Variants in NOTUM observed in about 807,000 individuals in gnomAD.
NOTUM encodes the protein notum, palmitoleoyl-protein carboxylesterase, also known as palmitoleoyl-protein carboxylesterase NOTUM.
Under a neutral mutation model 65.5 loss-of-function variants are expected in NOTUM, and 36 were observed. The ratio of observed to expected loss-of-function variants is 0.55; its 90% CI spans 0.42 to 0.73. The LOEUF is 0.73. NOTUM is among the 30% of genes least tolerant of loss of function. The probability of loss-of-function intolerance (pLI) is 0.00; values close to 1 mark genes in which losing one functional copy is unlikely to be tolerated. For synonymous variants in NOTUM, 356 were observed against 297.9 expected, an observed-to-expected ratio of 1.20 and a Z score of -2.01; for missense variants, 659 against 694.2, an observed-to-expected ratio of 0.95 and a Z score of 0.57.
intron 10 of NOTUM, 43 bp from the exon 11 acceptor site, chr17:81,953,310 G>T (rs774249657): frequency 3.0e-6 from 4 of 1,344,886 alleles, no homozygotes; most frequent in Non-Finnish European, 4.2e-6. Flanking sequence ...GTGCGGAGTG[G>T]CATCAACACT....
rs143397971 is a variant in NOTUM, at chr17:81,953,786, C to T, written c.1184+470G>A. Among the ~76,000 whole-genome samples the T allele has an allele frequency of 7.1e-3, 868 of 122,452 alleles. 6 individuals carry two copies. The highest frequency in any genetic ancestry group is 0.018 in the African/African-American group (584 of 32,720). The allele number at this position is 122,452 out of a possible 152,430, so 80.3% of individuals were successfully genotyped here. ...TCAGCCTGAGTCTTTTTTTTTTTTT[C>T]TTTTTTTTTTGAGATGGAGTTTCAC... On this transcript the variant is annotated intron_variant, in intron 10 of 10. Transcript: ENST00000409678.
chr17:81,952,933 G>C lies in NOTUM; in HGVS notation c.*28C>G, dbSNP rs1252208130. On this transcript the variant is annotated 3_prime_UTR_variant, in exon 11 of 11. Transcript: ENST00000409678. The stretch of plus-strand genomic sequence containing the variant: ...GGGCAGCGGGTGTCTGGGCCCCTCA[G>C]TGCCGGCTCCTCCTCCAGACAGTCT... 5 of 1,604,874 alleles carry C rather than the reference G, an allele frequency of 3.1e-6. No homozygotes were observed. Among genetic ancestry groups the C allele is most frequent in the Non-Finnish European group, 4.3e-6 (5 of 1,173,370 alleles).
Position 81,958,381 on chromosome 17 carries a change from G to C in NOTUM, c.546C>G (p.Tyr182Ter). The change falls in exon 5 of 11, where the codon TAC becomes TAG. Residue 182 changes from tyrosine (Y) to a stop codon, truncating the protein, a stop_gained. Transcript: ENST00000409678. LOFTEE classifies it high-confidence loss of function. Reference protein sequence around the residue: ...WWNANMVFIPYCSSDVWSGAS... With the variant: ...WWNANMVFIP ...CCCCGCTCCAAACATCACTGGAGCAGTAGGGGATGAAGCTGCAACACAGAA... is the reference window on the plus strand; with the variant it reads ...CCCCGCTCCAAACATCACTGGAGCACTAGGGGATGAAGCTGCAACACAGAA... The C allele has an allele frequency of 1.2e-6, 2 of 1,610,072 alleles. No individual in the cohort carries two copies. Among genetic ancestry groups the C allele is most frequent in the Non-Finnish European group, 1.7e-6 (2 of 1,177,868 alleles).
intron 3 of NOTUM, 129 bp from the exon 4 acceptor site, chr17:81,959,124 C>A: frequency 1.3e-6 from 1 of 789,666 alleles, no homozygotes; most frequent in Non-Finnish European, 2.1e-6. Context: ...GTTGCTAGCC[C>A]GAACCAAGGT....
At chr17:81,959,326 G>A in intron 3 of NOTUM, 145 bp downstream of exon 3, 2 of 658,038 alleles carry the variant, frequency 3.0e-6, no homozygotes, top group Non-Finnish European at 5.2e-6. Context: ...AGGCAAGAGT[G>A]AAGGGCGCCC....
At chr17:81,958,414 A>G (rs758662271) in intron 4 of NOTUM, 21 bp from the exon 5 acceptor site, 35 of 1,578,138 alleles carry the variant, frequency 2.2e-5, no homozygotes, top group Non-Finnish European at 2.9e-5. Context: ...GAACAGAGTG[A>G]GCCTGTCACA....
intron 6 of NOTUM, 139 bp downstream of exon 6, chr17:81,957,667 C>A (rs2041443615): frequency 1.6e-6 from 1 of 642,856 alleles, no homozygotes; most frequent in Non-Finnish European, 2.8e-6. Flanking sequence ...TCCAGCCTCT[C>A]ACCCTCCTAG....
chr17:81,958,179 G>A (rs2041447648), intron 5 of NOTUM, among the ~76,000 whole-genome samples, 156 bp downstream of exon 5: 1 of 152,158 alleles, frequency 6.6e-6, no homozygotes, highest in African/African-American at 2.4e-5. Context: ...GGGACATACT[G>A]TCAAGGGCTT....
chr17:81,958,579 C>T (rs1001920875), intron 4 of NOTUM, among the ~76,000 whole-genome samples, 186 bp from the exon 5 acceptor site: 1 of 151,770 alleles, frequency 6.6e-6, no homozygotes, highest in Admixed American at 6.6e-5. Context: ...AAGAACCAAC[C>T]CAGGACAGGA....
At chr17:81,955,248 TG>T in intron 9 of NOTUM, 148 bp downstream of exon 9, 1 of 695,174 alleles carries the variant, frequency 1.4e-6, no homozygotes, top group African/African-American at 1.8e-5. Context: ...CCCAAAGTGC[TG>T]GGATTATAGG....
intron 7 of NOTUM, 33 bp downstream of exon 7, chr17:81,956,850 C>A (rs746527391): frequency 3.9e-5 from 62 of 1,599,900 alleles, no homozygotes; most frequent in Non-Finnish European, 4.7e-5. Flanking sequence ...GGCAAAGCTG[C>A]AGCACGAGGA....
chr17:81,959,072 G>A (rs1340991188), intron 3 of NOTUM, 77 bp from the exon 4 acceptor site: 1 of 1,253,374 alleles, frequency 8.0e-7, no homozygotes, highest in Non-Finnish European at 1.2e-6. Context: ...CTGGTGAGGT[G>A]TTGGGGCTCC....
In NOTUM at chr17:81,954,279, G is replaced by C. The variant is rs1439252104; in HGVS notation, c.1161C>G (p.Leu387=). ...DVPASFAPAC[L]SHEIIIRSHW... Reference sequence around the variant, plus strand: ...ACCTCCGGATGATGATCTCATGGGAGAGGCAGGCGGGGGCAAAGCTGGCCC... The same window carrying C: ...ACCTCCGGATGATGATCTCATGGGACAGGCAGGCGGGGGCAAAGCTGGCCC... The change falls in exon 10 of 11, where the codon CTC becomes CTG. Residue 387 remains leucine (L), a synonymous_variant. Coordinates refer to ENST00000409678, the MANE Select transcript of NOTUM (RefSeq NM_178493.6). 2 of 1,613,112 alleles carry C rather than the reference G, an allele frequency of 1.2e-6. No individual in the cohort carries two copies. The highest frequency in any genetic ancestry group is 1.7e-5 in the Admixed American group (1 of 59,990).
intron 4 of NOTUM, among the ~76,000 whole-genome samples, chr17:81,958,675 C>T (rs1297891708): frequency 6.6e-6 from 1 of 151,374 alleles, no homozygotes. Context: ...AAGGACCATC[C>T]CAGGAGAGGA....
At position 81,955,381 on chromosome 17, in the gene NOTUM, G is replaced by A. The variant is rs1266305637; in HGVS notation, c.1136+16C>T. On this transcript the variant is annotated intron_variant, in intron 9 of 10. Transcript: ENST00000409678. ...GGAGCTACCCGGCGTGGGGCTCCCG[G>A]GGCCCACACACTCACGGCACGTCCT... 15 of 1,550,370 alleles carry A rather than the reference G, an allele frequency of 9.7e-6. No homozygotes were observed. The highest frequency in any genetic ancestry group is 1.3e-5 in the Non-Finnish European group (15 of 1,142,668).
Position 81,960,457 on chromosome 17 carries a change from G to A in NOTUM, c.323+130C>T. On this transcript the variant is annotated intron_variant, in intron 1 of 10. Transcript: ENST00000409678. This position sits in a 1 kb window ranked among gnomAD's most constrained non-coding sequence, Gnocchi z 6.4. The stretch of plus-strand genomic sequence containing the variant: ...GTCACCGAACCGGGCACTCCTCGGG[G>A]CCAGGACCGCGGGGCGCCCGACGGA... The A allele has an allele frequency of 3.2e-6, 2 of 628,896 alleles. No individual in the cohort carries two copies. The highest frequency in any genetic ancestry group is 3.4e-5 in the Admixed American group (1 of 29,772). 39.0% of individuals were successfully genotyped at this position (628,896 alleles called of 1,614,324 possible). A position where few individuals can be genotyped will look rare whatever the true frequency, so the allele number is the denominator to read the frequency against.
rs1260140519 is a variant in NOTUM, at chr17:81,953,061, G to A, written c.1391C>T (p.Ala464Val). ...GAAGCCCATGTGCATGAGGAACTGG[G>A]CCACGTTCATCTCTTGCCCCGTGAA... ...DQFTGQEMNVAQFLMHMGFDM... is the reference protein window; with the variant it reads ...DQFTGQEMNVVQFLMHMGFDM... The change falls in exon 11 of 11, where the codon GCC (alanine) becomes GTC (valine). Residue 464 changes from alanine to valine, a missense_variant. Ala to Val is a moderately conservative substitution (Grantham distance 64). Transcript: ENST00000409678. The A allele has an allele frequency of 4.3e-6, 7 of 1,613,972 alleles. No homozygotes were observed. The highest frequency in any genetic ancestry group is 1.6e-4 in the Middle Eastern group (1 of 6,062).
In NOTUM at chr17:81,955,441, G is replaced by C; in HGVS notation, c.1092C>G (p.Ile364Met). 1 of 1,601,890 alleles carries C rather than the reference G, an allele frequency of 6.2e-7. No homozygotes were observed. Among genetic ancestry groups the C allele is most frequent in the African/African-American group, 1.3e-5 (1 of 74,726 alleles). The change falls in exon 9 of 11, where the codon ATC becomes ATG. Residue 364 changes from isoleucine (I) to methionine (M), a missense_variant. Coordinates refer to ENST00000409678, the MANE Select transcript of NOTUM (RefSeq NM_178493.6). Reference protein sequence around the residue: ...QPVQEGLRLYIQNLGRELRHT... With the variant: ...QPVQEGLRLYMQNLGRELRHT... ...GGCGCAGCTCGCGGCCGAGGTTCTG[G>C]ATGTACAGCCGCAGGCCCTCCTGCA...
In NOTUM at chr17:81,952,514, C is replaced by G. The variant is rs954537192; in HGVS notation, c.*447G>C. On this transcript the variant is annotated 3_prime_UTR_variant, in exon 11 of 11. Transcript: ENST00000409678. ...ATAAACACGCGGGCAGGGTGAGGTT[C>G]TTTTTTGTCTCTTTAAAATCATTTT... The G allele has an allele frequency of 1.9e-5, 3 of 154,062 alleles. No homozygotes were observed. Among genetic ancestry groups the G allele is most frequent in the African/African-American group, 7.4e-5 (3 of 40,646 alleles). The allele number at this position is 154,062 out of a possible 1,614,324, so 9.5% of individuals were successfully genotyped here.
Sources: allele counts gnomAD v4.1 joint callset (sites outside exome capture counted in the v4.1 genomes callset), GRCh38; gene constraint gnomAD v4.1.1; non-coding constraint Gnocchi (gnomAD v3.1); transcripts MANE v1.5; gene names NCBI Gene and HGNC (gene_info 2026-07-23, HGNC 2026-07-21).